The following TSPAN18 variants were observed in gnomAD, a reference collection of about 807,000 sequenced individuals.
TSPAN18 encodes tetraspanin-18.
Under a neutral mutation model 27.3 loss-of-function variants are expected in TSPAN18, and 14 were observed. The ratio of observed to expected loss-of-function variants is 0.51; its 90% CI spans 0.34 to 0.80. The LOEUF is 0.80. Among genes scored for constraint, TSPAN18 ranks in the 30% least tolerant of loss-of-function variants. The pLI is 0.01. For missense variants in TSPAN18, 268 were observed against 323.9 expected, an observed-to-expected ratio of 0.83 and a Z score of 1.32; for synonymous variants, 143 against 136.5, an observed-to-expected ratio of 1.05 and a Z score of -0.33.
chr11:44,864,116 G>A (rs1428064753), intron 3 of TSPAN18, among the ~76,000 whole-genome samples: 3 of 151,648 alleles, frequency 2.0e-5, no homozygotes, highest in Non-Finnish European at 2.9e-5. Context: ...GTGAAACCCC[G>A]TCTCTACTAA....
chr11:44,880,051 G>C (rs1436063566), intron 3 of TSPAN18, among the ~76,000 whole-genome samples: 1 of 152,224 alleles, frequency 6.6e-6, no homozygotes, highest in African/African-American at 2.4e-5. Flanking sequence ...GGACGGTGGA[G>C]GAAGGAGTAG....
At chr11:44,799,598 G>A (rs1314860220) in intron 2 of TSPAN18, among the ~76,000 whole-genome samples, 2 of 152,142 alleles carry the variant, frequency 1.3e-5, no homozygotes, top group Non-Finnish European at 2.9e-5. Flanking sequence ...CTATTGCGTG[G>A]GGCACATCGA....
chr11:44,775,946 G>A (rs952126441), intron 2 of TSPAN18, among the ~76,000 whole-genome samples: 2 of 152,184 alleles, frequency 1.3e-5, no homozygotes, highest in Non-Finnish European at 2.9e-5. Flanking sequence ...TAGAAAACTC[G>A]TTTTGATTCA....
intron 3 of TSPAN18, among the ~76,000 whole-genome samples, chr11:44,866,651 C>G (rs1407550467): frequency 2.0e-5 from 3 of 152,202 alleles, no homozygotes; most frequent in African/African-American, 7.2e-5. Flanking sequence ...GAACAGGGCA[C>G]CTGAGCTTGT....
chr11:44,836,029 A>G (rs1183716911), intron 2 of TSPAN18, among the ~76,000 whole-genome samples: 1 of 152,104 alleles, frequency 6.6e-6, no homozygotes, highest in African/African-American at 2.4e-5. Context: ...CCTATTTCCA[A>G]CTACATAACA....
chr11:44,747,050 G>A (rs991751126), intron 1 of TSPAN18, among the ~76,000 whole-genome samples: 5 of 152,352 alleles, frequency 3.3e-5, no homozygotes, highest in African/African-American at 9.6e-5. Context: ...ATTGAAAAAC[G>A]GGGCCTTTCT....
intron 1 of TSPAN18, among the ~76,000 whole-genome samples, chr11:44,734,831 G>A (rs999206852): frequency 3.3e-5 from 5 of 152,288 alleles, no homozygotes; most frequent in East Asian, 1.9e-4. Context: ...AGATTGCAGC[G>A]TGCTCTAGTG....
chr11:44,729,175 G>C (rs1035912462), intron 1 of TSPAN18, among the ~76,000 whole-genome samples: 4 of 152,246 alleles, frequency 2.6e-5, no homozygotes, highest in African/African-American at 9.6e-5. Flanking sequence ...AGAGGAGGAG[G>C]AGAGAGGAGA....
Position 44,929,561 on chromosome 11 carries a change from C to T in TSPAN18, c.*383C>T, listed in dbSNP as rs1860491965. The stretch of plus-strand genomic sequence containing the variant: ...GCCAAGAAAGTGAGGATTTAGGCAA[C>T]AAGGAGGCAAAAGCAAATCTCAGAG... On this transcript the variant is annotated 3_prime_UTR_variant, in exon 10 of 10. Transcript: ENST00000520358. 1 of 215,172 alleles carries T rather than the reference C, an allele frequency of 4.6e-6. No homozygotes were observed. The highest frequency in any genetic ancestry group is 9.1e-6 in the Non-Finnish European group (1 of 109,336). The allele number at this position is 215,172 out of a possible 1,614,324, so 13.3% of individuals were successfully genotyped here. A position where few individuals can be genotyped will look rare whatever the true frequency, so the allele number is the denominator to read the frequency against.
chr11:44,820,067 G>A (rs528682670), intron 2 of TSPAN18, among the ~76,000 whole-genome samples: 2 of 152,282 alleles, frequency 1.3e-5, no homozygotes, highest in South Asian at 4.2e-4. Context: ...GGGCAAAACT[G>A]GGACACCTCT....
rs1202675416 is a variant in TSPAN18 at position 44,750,009 on chromosome 11, AC to A, written c.-239-14414del. Among the ~76,000 whole-genome samples, 12 of 152,040 alleles carry A rather than the reference AC, an allele frequency of 7.9e-5. No individual in the cohort carries two copies. In the South Asian group the frequency reaches 2.3e-3, roughly 29 times the overall value. ...TTGAAGCAGGCATGGGGGCTGCTCC[AC>A]CCTCCCCAACTCACCTCCTCACTTT... On this transcript the variant is annotated intron_variant, in intron 1 of 9. Transcript: ENST00000520358.
intron 1 of TSPAN18, among the ~76,000 whole-genome samples, chr11:44,731,633 T>TGAGA (rs1554976096): frequency 0.018 from 1,886 of 107,390 alleles, 78 homozygotes; most frequent in African/African-American, 0.062. Flanking sequence ...TGTGTGTGTG[T>TGAGA]GAGAGAGAGA....
intron 4 of TSPAN18, among the ~76,000 whole-genome samples, chr11:44,908,770 A>AAAGAAAGAAAGAAAGAAG (rs3051416): frequency 5.1e-5 from 1 of 19,464 alleles, no homozygotes; most frequent in African/African-American, 2.3e-4. Flanking sequence ...GAGAGAAAGG[A>AAAGAAAGAAAGAAAGAAG]GAAAGAAAGA....
chr11:44,757,978 C>T (rs867281353), intron 1 of TSPAN18, among the ~76,000 whole-genome samples: 45 of 151,990 alleles, frequency 3.0e-4, no homozygotes, highest in African/African-American at 1.0e-3. Context: ...TTCATGAAGT[C>T]TGGTTTGTCT....
chr11:44,848,855 C>T (rs1431725383), intron 2 of TSPAN18, among the ~76,000 whole-genome samples: 4 of 152,260 alleles, frequency 2.6e-5, no homozygotes, highest in East Asian at 1.9e-4. Flanking sequence ...GCTCCCCCCA[C>T]CCCCCTGGCC....
Position 44,847,411 on chromosome 11 carries a change from A to G in TSPAN18, c.-152-12917A>G, listed in dbSNP as rs77088649. Among the ~76,000 whole-genome samples, 886 of 152,332 alleles carry G rather than the reference A, an allele frequency of 5.8e-3. 10 individuals carry two copies. Among genetic ancestry groups the G allele is most frequent in the African/African-American group, 0.02 (837 of 41,554 alleles). ...TACATAACATAAAATTAGCCATCTT[A>G]AAGTGTGCAATTCACTTTGCATAAT... On this transcript the variant is annotated intron_variant, in intron 2 of 9. Transcript: ENST00000520358.
At chr11:44,744,514 A>C (rs1855025547) in intron 1 of TSPAN18, among the ~76,000 whole-genome samples, 1 of 152,190 alleles carries the variant, frequency 6.6e-6, no homozygotes, top group Non-Finnish European at 1.5e-5. Context: ...TTCAAGTTCT[A>C]GCTTTGACCA....
intron 8 of TSPAN18, among the ~76,000 whole-genome samples, chr11:44,922,779 C>T (rs951553664): frequency 2.0e-5 from 3 of 152,108 alleles, no homozygotes; most frequent in African/African-American, 4.8e-5. Flanking sequence ...GGTTTGGGGA[C>T]GATCTTGCAT....
intron 2 of TSPAN18, among the ~76,000 whole-genome samples, chr11:44,837,256 T>TC (rs1857282483): frequency 6.6e-6 from 1 of 152,208 alleles, no homozygotes; most frequent in Non-Finnish European, 1.5e-5. Flanking sequence ...AGAAGTTGAT[T>TC]CTCAACCCTT....
Sources: allele counts gnomAD v4.1 joint callset (sites outside exome capture counted in the v4.1 genomes callset), GRCh38; gene constraint gnomAD v4.1.1; transcripts MANE v1.5; gene names NCBI Gene and HGNC (gene_info 2026-07-23, HGNC 2026-07-21).